Variants in LRRC3B observed in about 807,000 individuals in gnomAD.
LRRC3B encodes leucine-rich repeat-containing protein 3B.
LRRC3B carries 2 observed loss-of-function variants against 12.8 expected under a neutral mutation model. That is an observed-to-expected ratio of 0.16 (90% confidence interval 0.06 to 0.49). The LOEUF is 0.49. Ranked by LOEUF, LRRC3B falls within the 20% of genes least tolerant of loss-of-function variation. The pLI, the probability that LRRC3B is intolerant of heterozygous loss-of-function variation, is 0.96. For missense variants in LRRC3B, 189 were observed against 319.4 expected, an observed-to-expected ratio of 0.59 and a Z score of 3.11; for synonymous variants, 132 against 122.0, an observed-to-expected ratio of 1.08 and a Z score of -0.54.
intron 1 of LRRC3B, among the ~76,000 whole-genome samples, chr3:26,704,296 T>TTGA (rs1210059901): frequency 6.6e-6 from 1 of 152,182 alleles, no homozygotes; most frequent in African/African-American, 2.4e-5. Flanking sequence ...TTTTAAATTT[T>TTGA]TGATAGATAT....
chr3:26,684,125 T>A (rs1700025811), intron 1 of LRRC3B, among the ~76,000 whole-genome samples: 1 of 152,254 alleles, frequency 6.6e-6, no homozygotes. Flanking sequence ...TTCCTTGGAA[T>A]CTTTATTCTC....
chr3:26,699,858 A>T lies in LRRC3B; in HGVS notation c.-160-9655A>T, dbSNP rs1201683527. ...CTATAAACTTGCAACATGTTGCATA[A>T]TAAATATGGATGTAGCAGAGACATC... is the stretch of plus-strand genomic sequence containing the variant. On this transcript the variant is annotated intron_variant, in intron 1 of 1. Transcript: ENST00000396641. Among the ~76,000 whole-genome samples the T allele has an allele frequency of 7.8e-4, 118 of 152,202 alleles. 1 individual carries two copies. The highest frequency in any genetic ancestry group is 7.7e-3 in the Admixed American group (117 of 15,276).
chr3:26,642,534 A>T (rs1035081442), intron 1 of LRRC3B, among the ~76,000 whole-genome samples: 2 of 152,140 alleles, frequency 1.3e-5, no homozygotes, highest in African/African-American at 4.8e-5. Context: ...AGTCTCTGAG[A>T]ATGACTTGGC....
At chr3:26,695,162 T>A (rs1173224208) in intron 1 of LRRC3B, among the ~76,000 whole-genome samples, 1 of 152,188 alleles carries the variant, frequency 6.6e-6, no homozygotes, top group African/African-American at 2.4e-5. Flanking sequence ...ATTGCTTCAT[T>A]CATTTTGATG....
chr3:26,702,835 C>T (rs894870664), intron 1 of LRRC3B, among the ~76,000 whole-genome samples: 1 of 151,958 alleles, frequency 6.6e-6, no homozygotes, highest in Non-Finnish European at 1.5e-5. Flanking sequence ...GAATGGAGAA[C>T]AGAAAAAAAC....
intron 1 of LRRC3B, among the ~76,000 whole-genome samples, chr3:26,659,415 T>C (rs1176401143): frequency 6.6e-6 from 1 of 152,208 alleles, no homozygotes; most frequent in African/African-American, 2.4e-5. Flanking sequence ...ATCTGCAAGG[T>C]GGGCCTAAGA....
intron 1 of LRRC3B, among the ~76,000 whole-genome samples, chr3:26,642,466 G>A (rs1357979917): frequency 6.6e-6 from 1 of 152,188 alleles, no homozygotes; most frequent in East Asian, 1.9e-4. Flanking sequence ...AGAAGCTAAG[G>A]AGAAATAAGC....
intron 1 of LRRC3B, among the ~76,000 whole-genome samples, chr3:26,639,386 G>A (rs930548443): frequency 6.6e-6 from 1 of 151,512 alleles, no homozygotes; most frequent in Non-Finnish European, 1.5e-5. Context: ...CCTATATTTA[G>A]AGTTGATAAA....
chr3:26,649,322 A>T (rs912181743), intron 1 of LRRC3B, among the ~76,000 whole-genome samples: 137 of 152,164 alleles, frequency 9.0e-4, no homozygotes, highest in African/African-American at 3.1e-3. Flanking sequence ...AAAAACTACC[A>T]TTGGGGTTCT....
intron 1 of LRRC3B, among the ~76,000 whole-genome samples, chr3:26,673,660 G>T (rs1575149045): frequency 6.6e-6 from 1 of 152,250 alleles, no homozygotes; most frequent in Middle Eastern, 3.4e-3. Context: ...TTGCTTCTTG[G>T]CTTAGGTCTC....
At chr3:26,645,534 A>G (rs774449309) in intron 1 of LRRC3B, among the ~76,000 whole-genome samples, 1 of 152,102 alleles carries the variant, frequency 6.6e-6, no homozygotes, top group Non-Finnish European at 1.5e-5. Flanking sequence ...GCTATTATAT[A>G]TGTGCATATA....
At chr3:26,671,712 T>G (rs1013220412) in intron 1 of LRRC3B, among the ~76,000 whole-genome samples, 1 of 152,018 alleles carries the variant, frequency 6.6e-6, no homozygotes, top group Non-Finnish European at 1.5e-5. Context: ...ATTTTATACA[T>G]GGAGTGATCA....
At chr3:26,678,525 C>T (rs923859104) in intron 1 of LRRC3B, among the ~76,000 whole-genome samples, 1 of 151,866 alleles carries the variant, frequency 6.6e-6, no homozygotes, top group South Asian at 2.1e-4. Context: ...TAGTAGGATT[C>T]CTGGTCAGTG....
chr3:26,705,696 A>G (rs1700569279), intron 1 of LRRC3B, among the ~76,000 whole-genome samples: 1 of 152,046 alleles, frequency 6.6e-6, no homozygotes, highest in African/African-American at 2.4e-5. Flanking sequence ...TAGGCTTTCA[A>G]GCTAAGGGAG....
At chr3:26,691,101 GTGTGTATA>G (rs1700181473) in intron 1 of LRRC3B, among the ~76,000 whole-genome samples, 1 of 45,676 alleles carries the variant, frequency 2.2e-5, no homozygotes, top group African/African-American at 7.8e-5. Context: ...ATGTGTGTGT[GTGTGTATA>G]TATATATATA....
At chr3:26,663,921 G>A (rs1017554648) in intron 1 of LRRC3B, among the ~76,000 whole-genome samples, 9 of 151,960 alleles carry the variant, frequency 5.9e-5, no homozygotes, top group Non-Finnish European at 2.9e-5. Flanking sequence ...TCTTCCTGCC[G>A]ATAAAATTGC....
chr3:26,623,897 G>C (rs1698562845), intron 1 of LRRC3B: 1 of 152,812 alleles, frequency 6.5e-6, no homozygotes, highest in East Asian at 1.9e-4. Flanking sequence ...GGAGGGAAAG[G>C]CTGCTCGTGC....
intron 1 of LRRC3B, among the ~76,000 whole-genome samples, chr3:26,642,337 GA>G (rs1699047072): frequency 6.6e-6 from 1 of 152,220 alleles, no homozygotes; most frequent in South Asian, 2.1e-4. Flanking sequence ...TGGTGTGGTG[GA>G]GGAGATGGCT....
intron 1 of LRRC3B, among the ~76,000 whole-genome samples, chr3:26,656,110 C>T (rs571365637): frequency 6.6e-6 from 1 of 152,228 alleles, no homozygotes; most frequent in Non-Finnish European, 1.5e-5. Flanking sequence ...AGAATCACTG[C>T]AAGGATGGAT....
Sources: gnomAD v4.1 joint callset for allele counts (sites outside exome capture counted in the v4.1 genomes callset) on GRCh38, gnomAD v4.1.1 for gene constraint, MANE v1.5 for transcripts, NCBI Gene and HGNC (gene_info 2026-07-23, HGNC 2026-07-21) for gene names.